Variants in PHACTR2 observed in about 807,000 individuals in gnomAD.
PHACTR2 encodes phosphatase and actin regulator 2, also known as chromosome 6 open reading frame 56.
PHACTR2 carries 30 observed loss-of-function variants against 76.0 expected under a neutral mutation model. The observed-to-expected ratio is 0.39, with a 90% CI of 0.30 to 0.54. PHACTR2 has a LOEUF of 0.54. Ranked by LOEUF, PHACTR2 falls within the 20% of genes least tolerant of loss-of-function variation. The pLI is 0.61. For missense variants in PHACTR2, 696 were observed against 781.1 expected (o/e 0.89, Z 1.30); for synonymous variants, 292 against 292.5 (o/e 1.00, Z 0.02).
Position 143,571,934 on chromosome 6 carries a change from T to G in PHACTR2, c.217+34727T>G, listed in dbSNP as rs1775450389. On this transcript the variant is annotated intron_variant, in intron 1 of 11. Coordinates refer to the PHACTR2 transcript ENST00000367584. This position sits in a 1 kb window ranked among gnomAD's most constrained non-coding sequence, Gnocchi z 4.6. ...AGATCTCTATGTAGGAGATATTAGA[T>G]ATTCTTCTACCATCTACAGAACTGA... Among the ~76,000 whole-genome samples the G allele has an allele frequency of 6.6e-6, 1 of 152,204 alleles. No homozygotes were observed. Among genetic ancestry groups the G allele is most frequent in the Non-Finnish European group, 1.5e-5 (1 of 68,036 alleles).
rs1365047649 is a variant in PHACTR2 at position 143,646,105 on chromosome 6, T to C, written c.13+37783T>C. Among the ~76,000 whole-genome samples, 3 of 152,170 alleles carry C rather than the reference T, an allele frequency of 2.0e-5. No homozygotes were observed. Among genetic ancestry groups the C allele is most frequent in the African/African-American group, 7.2e-5 (3 of 41,442 alleles). ...CTTTTTTTAATATTTTACATCAAAA[T>C]GTATATTCTCCAGTCCTTAAACAGG... is the stretch of plus-strand genomic sequence containing the variant. On this transcript the variant is annotated intron_variant, in intron 1 of 11. Transcript: ENST00000305766. This position sits in a 1 kb window ranked among gnomAD's most constrained non-coding sequence, Gnocchi z 4.1.
rs1176088896 is a variant in PHACTR2 at position 143,554,825 on chromosome 6, T to A, written c.217+17618T>A. ...ATTGAACCTAGGAAATATTTTATAT[T>A]ATTAGCCATTTGCATTTTCTTTCTC... is the stretch of plus-strand genomic sequence containing the variant. On this transcript the variant is annotated intron_variant, in intron 1 of 11. Transcript: ENST00000367584. This position sits in a 1 kb window ranked among gnomAD's most constrained non-coding sequence, Gnocchi z 5.9. 2 of 152,200 alleles carry A rather than the reference T, an allele frequency of 1.3e-5. No individual in the cohort carries two copies. The highest frequency in any genetic ancestry group is 2.9e-5 in the Non-Finnish European group (2 of 68,034). The allele number at this position is 152,200 out of a possible 1,614,324, so 9.4% of individuals were successfully genotyped here.
intron 1 of PHACTR2, among the ~76,000 whole-genome samples, chr6:143,704,663 C>G (rs924235047): frequency 1.3e-5 from 2 of 152,180 alleles, no homozygotes; most frequent in Non-Finnish European, 2.9e-5. Flanking sequence ...GTTAACTAAA[C>G]TCTACAGTTC....
In PHACTR2 at chr6:143,774,545, AATAG is replaced by A. The variant is rs1207027727; in HGVS notation, c.1589+334_1589+337del. ...CTGTAGCATAAAAGCAGCCATAAAT[AATAG>A]ATAAACAAATGAGTGTGGCCATGTT... On this transcript the variant is annotated intron_variant, in intron 8 of 12. Coordinates refer to ENST00000440869, the MANE Select transcript of PHACTR2 (RefSeq NM_001100164.2). The surrounding 1 kb of genome is among the most constrained non-coding windows in gnomAD (Gnocchi z 5.4). Among the ~76,000 whole-genome samples, 8 of 152,220 alleles carry A rather than the reference AATAG, an allele frequency of 5.3e-5. No homozygotes were observed. Among genetic ancestry groups the A allele is most frequent in the Non-Finnish European group, 7.3e-5 (5 of 68,034 alleles).
At chr6:143,759,395 T>C (rs1779378109) in intron 4 of PHACTR2, among the ~76,000 whole-genome samples, 1 of 152,210 alleles carries the variant, frequency 6.6e-6, no homozygotes, top group Admixed American at 6.5e-5. Context: ...GGCTCATGCC[T>C]GTAATCCCGG....
intron 1 of PHACTR2, among the ~76,000 whole-genome samples, chr6:143,568,103 T>A (rs1416209): frequency 0.36 from 54,295 of 151,616 alleles, 10,292 homozygotes; most frequent in Non-Finnish European, 0.41. Flanking sequence ...CTTGATTTTT[T>A]TAAAAAAATC....
chr6:143,683,862 GT>G lies in PHACTR2; in HGVS notation c.46+5660del, dbSNP rs1291199828. ...TTTCATCTATAACCCAGCATGAACA[GT>G]TTTTTTCATTCCACACAGTTTTCAT... On this transcript the variant is annotated intron_variant, in intron 1 of 12. Coordinates refer to ENST00000440869, the MANE Select transcript of PHACTR2 (RefSeq NM_001100164.2). This position sits in a 1 kb window ranked among gnomAD's most constrained non-coding sequence, Gnocchi z 4.1. Among the ~76,000 whole-genome samples, 2 of 152,124 alleles carry G rather than the reference GT, an allele frequency of 1.3e-5. No homozygotes were observed. Among genetic ancestry groups the G allele is most frequent in the African/African-American group, 2.4e-5 (1 of 41,498 alleles).
At position 143,774,244 on chromosome 6, in the gene PHACTR2, G is replaced by C; in HGVS notation, c.1589+29G>C. ...ATTGCTAACATTTTAGGACAGTACTGACTAATTTGTATTTTTCTCCCTCCC... is the reference window on the plus strand; with the variant it reads ...ATTGCTAACATTTTAGGACAGTACTCACTAATTTGTATTTTTCTCCCTCCC... On this transcript the variant is annotated intron_variant, in intron 8 of 12. Transcript: ENST00000440869. The surrounding 1 kb of genome is among the most constrained non-coding windows in gnomAD (Gnocchi z 5.4). The C allele has an allele frequency of 6.3e-7, 1 of 1,589,258 alleles. No individual in the cohort carries two copies. The highest frequency in any genetic ancestry group is 8.6e-7 in the Non-Finnish European group (1 of 1,161,232).
intron 2 of PHACTR2, among the ~76,000 whole-genome samples, chr6:143,724,863 T>G (rs1018186004): frequency 3.3e-5 from 5 of 152,270 alleles, no homozygotes; most frequent in Admixed American, 1.3e-4. Context: ...GAGCCTATAG[T>G]TCACTGGAAA....
Position 143,597,086 on chromosome 6 carries a change from C to G in PHACTR2, c.217+59879C>G, listed in dbSNP as rs1462318768. On this transcript the variant is annotated intron_variant, in intron 1 of 11. Transcript: ENST00000367584. The surrounding 1 kb of genome is among the most constrained non-coding windows in gnomAD (Gnocchi z 5.7). ...CTTCTGCTCTATACTCTGGATCTTT[C>G]TACACTTGGCATGTATTTTCCCCTC... 6.6e-6 allele frequency among the ~76,000 whole-genome samples: 1 copy of G among 152,226 alleles called. No individual in the cohort carries two copies. Among genetic ancestry groups the G allele is most frequent in the Non-Finnish European group, 1.5e-5 (1 of 68,046 alleles).
intron 1 of PHACTR2, among the ~76,000 whole-genome samples, chr6:143,600,928 T>C (rs1437175455): frequency 3.9e-5 from 6 of 152,208 alleles, no homozygotes; most frequent in South Asian, 2.1e-4. Flanking sequence ...CTGGTAAATA[T>C]TGTAGAATGA....
In PHACTR2 at chr6:143,611,178, A is replaced by G. The variant is rs1408203905; in HGVS notation, c.13+2856A>G. Among the ~76,000 whole-genome samples, 1 of 152,130 alleles carries G rather than the reference A, an allele frequency of 6.6e-6. No individual in the cohort carries two copies. ...TGTTAAAAAAAAAAAGTTCTGCAGA[A>G]TTTATTGTGTTGGGTTTTCCCTACT... On this transcript the variant is annotated intron_variant, in intron 1 of 11. Transcript: ENST00000305766. This position sits in a 1 kb window ranked among gnomAD's most constrained non-coding sequence, Gnocchi z 4.4.
rs79639162 is a variant in PHACTR2, at chr6:143,765,316, C to A, written c.750C>A (p.Ser250=). 6.0e-4 allele frequency: 963 copies of A among 1,614,194 alleles called. 13 individuals are homozygous for A. In the East Asian group the frequency reaches 0.018, roughly 30 times the overall value. The part of the protein sequence containing the change: ...TTGSKASASP[S]TSSTSSRPKA... Reference sequence around the variant, plus strand: ...GCTCTAAAGCATCAGCTTCGCCATCCACTTCATCCACCTCATCTCGTCCCA... The same window carrying A: ...GCTCTAAAGCATCAGCTTCGCCATCAACTTCATCCACCTCATCTCGTCCCA... The change falls in exon 6 of 13, where the codon TCC becomes TCA. Residue 250 remains serine, a synonymous_variant. Coordinates refer to ENST00000440869, the MANE Select transcript of PHACTR2 (RefSeq NM_001100164.2). This position sits in a 1 kb window ranked among gnomAD's most constrained non-coding sequence, Gnocchi z 4.1.
rs140945169 is a variant in PHACTR2, at chr6:143,801,759, C to T, written c.1846-5298C>T. On this transcript the variant is annotated intron_variant, in intron 11 of 12. Coordinates refer to ENST00000440869, the MANE Select transcript of PHACTR2 (RefSeq NM_001100164.2). This position sits in a 1 kb window ranked among gnomAD's most constrained non-coding sequence, Gnocchi z 4.6. Reference sequence around the variant, plus strand: ...TCCCTTGCTGGCGAGGAGTTGTGATCCTTTGGAGGAGAAGAGGCATTCTGG... The same window carrying T: ...TCCCTTGCTGGCGAGGAGTTGTGATTCTTTGGAGGAGAAGAGGCATTCTGG... Among the ~76,000 whole-genome samples, 1,242 of 152,264 alleles carry T rather than the reference C, an allele frequency of 8.2e-3. 37 individuals are homozygous for T. Among genetic ancestry groups the T allele is most frequent in the Admixed American group, 0.066 (1,003 of 15,298 alleles).
intron 1 of PHACTR2, among the ~76,000 whole-genome samples, chr6:143,572,767 G>T (rs955388962): frequency 6.6e-6 from 1 of 152,090 alleles, no homozygotes; most frequent in Non-Finnish European, 1.5e-5. Flanking sequence ...TGGCCAGGCT[G>T]GTCTCAAACT....
intron 2 of PHACTR2, among the ~76,000 whole-genome samples, chr6:143,715,640 G>A (rs1341386138): frequency 6.6e-6 from 1 of 152,208 alleles, no homozygotes; most frequent in East Asian, 1.9e-4. Context: ...TAGACAGGTA[G>A]GGTACTAATA....
chr6:143,801,476 C>T lies in PHACTR2; in HGVS notation c.1846-5581C>T, dbSNP rs528250847. On this transcript the variant is annotated intron_variant, in intron 11 of 12. Transcript: ENST00000440869. The surrounding 1 kb of genome is among the most constrained non-coding windows in gnomAD (Gnocchi z 4.6). The stretch of plus-strand genomic sequence containing the variant: ...CTTCAATCACTGATATACTTTCTTC[C>T]GCTTGATCGAAGTGGCTATTGAGGC... Among the ~76,000 whole-genome samples, 49 of 152,024 alleles carry T rather than the reference C, an allele frequency of 3.2e-4. No homozygotes were observed. The highest frequency in any genetic ancestry group is 5.1e-4 in the Non-Finnish European group (35 of 68,018).
Position 143,592,890 on chromosome 6 carries a change from T to TA in PHACTR2, c.217+55692dup, listed in dbSNP as rs922686476. On this transcript the variant is annotated intron_variant, in intron 1 of 11. Coordinates refer to the PHACTR2 transcript ENST00000367584. This position sits in a 1 kb window ranked among gnomAD's most constrained non-coding sequence, Gnocchi z 4.0. ...GGCGAAACCCTGTCTCTACAAAAAA[T>TA]AAAAAAAAATAGCCGGACATGGTGA... is the stretch of plus-strand genomic sequence containing the variant. Among the ~76,000 whole-genome samples, 12 of 149,368 alleles carry TA rather than the reference T, an allele frequency of 8.0e-5. No homozygotes were observed. The highest frequency in any genetic ancestry group is 2.1e-4 in the South Asian group (1 of 4,708).
chr6:143,770,922 TTTC>T (rs1192236868), intron 6 of PHACTR2, among the ~76,000 whole-genome samples: 3 of 122,418 alleles, frequency 2.5e-5, no homozygotes, highest in African/African-American at 9.0e-5. Context: ...TCTTTCTTTC[TTTC>T]TTTTTTTTTT....
Sources: gnomAD v4.1 joint callset for allele counts (sites outside exome capture counted in the v4.1 genomes callset) on GRCh38, gnomAD v4.1.1 for gene constraint, Gnocchi (gnomAD v3.1) non-coding constraint, MANE v1.5 for transcripts, NCBI Gene and HGNC (gene_info 2026-07-23, HGNC 2026-07-21) for gene names.